CNTNAP2: variants seen among roughly 807,000 people sequenced by gnomAD.
CNTNAP2 encodes the protein contactin-associated protein-like 2.
Under a neutral mutation model 155.2 loss-of-function variants are expected in CNTNAP2, and 98 were observed. The observed-to-expected ratio is 0.63, with a 90% CI of 0.54 to 0.75. The LOEUF is 0.75. Ranked by LOEUF, CNTNAP2 falls within the 30% of genes least tolerant of loss-of-function variation. The pLI is 0.00. For missense variants in CNTNAP2, 1,727 were observed against 1,688.1 expected (o/e 1.02, Z -0.40); for synonymous variants, 651 against 631.2 (o/e 1.03, Z -0.47).
chr7:147,034,266 C>A (rs529753908), intron 3 of CNTNAP2, among the ~76,000 whole-genome samples: 4 of 152,168 alleles, frequency 2.6e-5, no homozygotes, highest in Non-Finnish European at 5.9e-5. Context: ...AGGTTGCTTT[C>A]TTTGCCGTCT....
intron 1 of CNTNAP2, among the ~76,000 whole-genome samples, chr7:146,189,231 C>G (rs73739516): frequency 0.01 from 1,562 of 152,186 alleles, 26 homozygotes; most frequent in African/African-American, 0.036. Context: ...CATTTCTTGT[C>G]TCACAAAACA....
At chr7:146,347,078 G>C (rs1410313837) in intron 1 of CNTNAP2, among the ~76,000 whole-genome samples, 3 of 148,354 alleles carry the variant, frequency 2.0e-5, no homozygotes, top group Non-Finnish European at 4.4e-5. Flanking sequence ...CCGTAGTTTG[G>C]AGTGCTTTGG....
intron 10 of CNTNAP2, among the ~76,000 whole-genome samples, chr7:147,414,222 C>T (rs914331830): frequency 1.3e-5 from 2 of 151,690 alleles, no homozygotes; most frequent in Middle Eastern, 3.4e-3. Context: ...ATCAGGAGTT[C>T]GAGACCAGCT....
At chr7:147,619,759 C>G (rs1358097521) in intron 12 of CNTNAP2, among the ~76,000 whole-genome samples, 1 of 152,184 alleles carries the variant, frequency 6.6e-6, no homozygotes, top group Non-Finnish European at 1.5e-5. Flanking sequence ...TGACTCGCCA[C>G]CCTGAAGGGA....
At chr7:146,654,708 G>A (rs1309289102) in intron 1 of CNTNAP2, among the ~76,000 whole-genome samples, 3 of 152,000 alleles carry the variant, frequency 2.0e-5, no homozygotes, top group African/African-American at 4.8e-5. Flanking sequence ...AAATGATTGT[G>A]GTATGAAGTT....
intron 10 of CNTNAP2, among the ~76,000 whole-genome samples, chr7:147,457,858 T>A (rs936765504): frequency 5.3e-5 from 8 of 152,064 alleles, no homozygotes; most frequent in Admixed American, 5.2e-4. Context: ...AAAAATCTGA[T>A]CTTTCTTGAA....
At chr7:147,417,598 G>T (rs1031943436) in intron 10 of CNTNAP2, among the ~76,000 whole-genome samples, 1 of 152,038 alleles carries the variant, frequency 6.6e-6, no homozygotes, top group African/African-American at 2.4e-5. Flanking sequence ...CAAAGAAAAC[G>T]TTAAATTTTA....
intron 3 of CNTNAP2, among the ~76,000 whole-genome samples, chr7:146,893,890 C>T (rs932930991): frequency 1.3e-5 from 2 of 152,184 alleles, no homozygotes; most frequent in African/African-American, 4.8e-5. Flanking sequence ...TCAAAGATGA[C>T]ATCCTGCCTC....
At chr7:147,802,532 G>C (rs576185423) in intron 13 of CNTNAP2, among the ~76,000 whole-genome samples, 1 of 152,152 alleles carries the variant, frequency 6.6e-6, no homozygotes, top group African/African-American at 2.4e-5. Flanking sequence ...CTGGCACCTC[G>C]GGAGGCCGAG....
intron 8 of CNTNAP2, among the ~76,000 whole-genome samples, chr7:147,273,342 GAGC>G (rs1804805459): frequency 6.6e-6 from 1 of 152,068 alleles, no homozygotes. Context: ...ATATACTGAA[GAGC>G]AACATCTTTA....
chr7:147,640,136 A>T (rs1014647535), intron 13 of CNTNAP2, among the ~76,000 whole-genome samples: 4 of 152,032 alleles, frequency 2.6e-5, no homozygotes, highest in Non-Finnish European at 5.9e-5. Context: ...ACAAAATTGT[A>T]TATGTCTTTC....
At chr7:146,169,912 G>A (rs905282058) in intron 1 of CNTNAP2, among the ~76,000 whole-genome samples, 3 of 151,570 alleles carry the variant, frequency 2.0e-5, no homozygotes, top group Admixed American at 1.3e-4. Flanking sequence ...TGTGAATAAC[G>A]CTGCAATGAA....
chr7:148,333,560 C>T lies in CNTNAP2; in HGVS notation c.3476-50089C>T, dbSNP rs371273700. ...ATGAGGTAACCTCATGCCATCACTA[C>T]GAAAGGCTACCAGAAATGATAGAAA... On this transcript the variant is annotated intron_variant, in intron 21 of 23. Coordinates refer to ENST00000361727, the MANE Select transcript of CNTNAP2 (RefSeq NM_014141.6). 1.6e-3 allele frequency among the ~76,000 whole-genome samples: 246 copies of T among 152,268 alleles called. 1 individual carries two copies. The highest frequency in any genetic ancestry group is 5.7e-3 in the African/African-American group (239 of 41,570).
chr7:146,475,041 G>T (rs75873189), intron 1 of CNTNAP2, among the ~76,000 whole-genome samples: 9 of 142,152 alleles, frequency 6.3e-5, no homozygotes, highest in African/African-American at 1.8e-4. Context: ...ACACACACAC[G>T]TACTTACATA....
chr7:146,430,147 C>T (rs548231148), intron 1 of CNTNAP2, among the ~76,000 whole-genome samples: 3 of 150,318 alleles, frequency 2.0e-5, no homozygotes, highest in African/African-American at 4.9e-5. Flanking sequence ...ATATTCGCAT[C>T]GATGTTCATC....
chr7:147,321,336 C>A (rs1340769513), intron 9 of CNTNAP2, among the ~76,000 whole-genome samples: 1 of 152,186 alleles, frequency 6.6e-6, no homozygotes, highest in African/African-American at 2.4e-5. Context: ...GAAAGACATC[C>A]TGGGGCCACA....
At chr7:146,493,009 C>T (rs551968209) in intron 1 of CNTNAP2, among the ~76,000 whole-genome samples, 13 of 152,124 alleles carry the variant, frequency 8.5e-5, no homozygotes, top group South Asian at 2.1e-4. Context: ...GTAATCTAAG[C>T]GCAATTTAAG....
chr7:147,394,256 G>A (rs1796771703), intron 9 of CNTNAP2, among the ~76,000 whole-genome samples: 1 of 151,864 alleles, frequency 6.6e-6, no homozygotes, highest in Admixed American at 6.6e-5. Flanking sequence ...TAAGTTTCCT[G>A]AGCCCTCCCC....
At chr7:146,836,562 C>A (rs1386065838) in intron 2 of CNTNAP2, among the ~76,000 whole-genome samples, 1 of 152,162 alleles carries the variant, frequency 6.6e-6, no homozygotes, top group East Asian at 1.9e-4. Flanking sequence ...AGACTCCTAT[C>A]CTTTGTACTA....
Sources: allele counts gnomAD v4.1 joint callset (sites outside exome capture counted in the v4.1 genomes callset), GRCh38; gene constraint gnomAD v4.1.1; transcripts MANE v1.5; gene names NCBI Gene and HGNC (gene_info 2026-07-23, HGNC 2026-07-21).